The following NASP variants were observed in gnomAD, a reference collection of about 807,000 sequenced individuals.
NASP encodes nuclear autoantigenic sperm protein, also known as NASP histone chaperone.
In NASP, 24 loss-of-function variants were observed where a neutral mutation model predicts 89.5. That is an observed-to-expected ratio of 0.27 (90% CI 0.19 to 0.38). NASP has a LOEUF of 0.38. Ranked by LOEUF, NASP falls within the 10% of genes least tolerant of loss-of-function variation. The pLI, the probability that NASP is intolerant of heterozygous loss-of-function variation, is 1.00. For missense variants in NASP, 848 were observed against 921.4 expected (o/e 0.92, Z 1.03); for synonymous variants, 306 against 324.7 (o/e 0.94, Z 0.62).
Position 45,618,314 on chromosome 1 carries a change from A to G in NASP, c.*173A>G. The stretch of plus-strand genomic sequence containing the variant: ...TCTGCCTTGGAGCACTGCTGGTTTT[A>G]TATATTAGCCAAAGGTTTTGTTCTG... On this transcript the variant is annotated 3_prime_UTR_variant, in exon 15 of 15. Transcript: ENST00000350030. 1 of 557,770 alleles carries G rather than the reference A, an allele frequency of 1.8e-6. No individual in the cohort carries two copies. The highest frequency in any genetic ancestry group is 3.3e-6 in the Non-Finnish European group (1 of 306,956). The allele number at this position is 557,770 out of a possible 1,614,324, so 34.6% of individuals were successfully genotyped here.
intron 1 of NASP, among the ~76,000 whole-genome samples, chr1:45,587,206 T>C (rs1644564934): frequency 6.6e-6 from 1 of 152,080 alleles, no homozygotes; most frequent in Non-Finnish European, 1.5e-5. Context: ...TTGTTTTTTT[T>C]TTGAGAGGGA....
At chr1:45,614,974 T>C (rs748303883) in intron 9 of NASP, 39 bp from the exon 10 acceptor site, 1 of 1,558,666 alleles carries the variant, frequency 6.4e-7, no homozygotes, top group South Asian at 1.2e-5. Context: ...TTATGTTGAA[T>C]GCTGTCCATT....
At chr1:45,609,776 A>AGGT (rs1176703416) in intron 6 of NASP, 3 of 152,330 alleles carry the variant, frequency 2.0e-5, no homozygotes, top group Middle Eastern at 3.4e-3. Context: ...TGAGGTTTAA[A>AGGT]GGTTACATGA....
chr1:45,608,640 A>C, intron 6 of NASP, among the ~76,000 whole-genome samples: 1 of 152,084 alleles, frequency 6.6e-6, no homozygotes, highest in East Asian at 1.9e-4. Context: ...TAGCCAATAA[A>C]GTGGGATGGA....
chr1:45,592,178 T>C (rs1224927664), intron 2 of NASP, among the ~76,000 whole-genome samples: 1 of 152,126 alleles, frequency 6.6e-6, no homozygotes, highest in Admixed American at 6.5e-5. Flanking sequence ...AGAGATGGGG[T>C]TTCACCATGT....
Position 45,584,209 on chromosome 1 carries a change from A to T in NASP, c.59+4A>T, listed in dbSNP as rs1251908456. On this transcript the variant is annotated splice_donor_region_variant and intron_variant, in intron 1 of 14. Transcript: ENST00000350030. Reference sequence around the variant, plus strand: ...CGGAGCTGGTTTCTGCCGACAAGTAAGCGGGACTGTGGAAAGCTTAAGGCA... The same window carrying T: ...CGGAGCTGGTTTCTGCCGACAAGTATGCGGGACTGTGGAAAGCTTAAGGCA... The T allele has an allele frequency of 6.3e-7, 1 of 1,583,746 alleles. No homozygotes were observed. Among genetic ancestry groups the T allele is most frequent in the African/African-American group, 1.3e-5 (1 of 74,484 alleles).
rs202187706 is a variant in NASP, at chr1:45,602,276, T to C, written c.129T>C (p.Ala43=). The C allele has an allele frequency of 6.2e-7, 1 of 1,613,666 alleles. No individual in the cohort carries two copies. Among genetic ancestry groups the C allele is most frequent in the East Asian group, 2.2e-5 (1 of 44,860 alleles). ...KVESLDVDSE[A]KKLLGLGQKH... Reference sequence around the variant, plus strand: ...GCAGTCTGGATGTGGATAGTGAAGCTAAGAAACTATTGGGTTTAGGACAGA... The same window carrying C: ...GCAGTCTGGATGTGGATAGTGAAGCCAAGAAACTATTGGGTTTAGGACAGA... The change falls in exon 3 of 15, where the codon GCT becomes GCC. Residue 43 remains alanine, a synonymous_variant. Coordinates refer to ENST00000350030, the MANE Select transcript of NASP (RefSeq NM_002482.4).
chr1:45,616,553 TA>T (rs980541821), intron 12 of NASP, 72 bp from the exon 13 acceptor site: 3 of 1,553,298 alleles, frequency 1.9e-6, no homozygotes, highest in African/African-American at 2.7e-5. Flanking sequence ...TCTGAAAAAC[TA>T]AAAAATTATA....
rs756795063 is a variant in NASP, at chr1:45,617,405, A to G, written c.2158-58A>G. 428 of 1,566,182 alleles carry G rather than the reference A, an allele frequency of 2.7e-4. 6 individuals are homozygous for G. The Middle Eastern group carries it at 6.5e-3, about 24-fold the overall frequency. ...CACAAGGGTTAAGGAAATGTTTTGCAGTTGTCTTTTTAAAAACATTAAGCA... is the reference window on the plus strand; with the variant it reads ...CACAAGGGTTAAGGAAATGTTTTGCGGTTGTCTTTTTAAAAACATTAAGCA... On this transcript the variant is annotated intron_variant, in intron 13 of 14. Coordinates refer to ENST00000350030, the MANE Select transcript of NASP (RefSeq NM_002482.4).
chr1:45,596,569 G>T (rs1329175952), intron 2 of NASP, among the ~76,000 whole-genome samples: 3 of 152,222 alleles, frequency 2.0e-5, no homozygotes, highest in African/African-American at 7.2e-5. Context: ...TACTGCTGCT[G>T]TGACGTTGGG....
intron 4 of NASP, 109 bp from the exon 5 acceptor site, chr1:45,606,373 G>A (rs993974560): frequency 1.9e-5 from 13 of 686,796 alleles, no homozygotes; most frequent in African/African-American, 1.6e-4. Context: ...TATTGCCTGC[G>A]CTTGGCTTAC....
Position 45,616,645 on chromosome 1 carries a change from C to G in NASP, c.2099C>G (p.Thr700Arg), listed in dbSNP as rs1433732869. The change falls in exon 13 of 15, where the codon ACA becomes AGA. Residue 700 changes from threonine to arginine, a missense_variant. Physicochemically the swap from Thr to Arg is moderately conservative, Grantham distance 71. Coordinates refer to ENST00000350030, the MANE Select transcript of NASP (RefSeq NM_002482.4). ...TGCCAGATTGCCAGTAGAAAGCCAA[C>G]AGACGGTGCTTCCTCATCAAATTGT... ...SVSMIASRKP[T>R]DGASSSNCVT... 1 of 1,614,064 alleles carries G rather than the reference C, an allele frequency of 6.2e-7. No individual in the cohort carries two copies. The highest frequency in any genetic ancestry group is 1.3e-5 in the African/African-American group (1 of 74,936).
intron 6 of NASP, chr1:45,611,867 T>C (rs1357624139): frequency 7.0e-6 from 1 of 143,778 alleles, no homozygotes; most frequent in African/African-American, 2.6e-5. Flanking sequence ...TTTTTTTTTT[T>C]TTTTTTTTTT....
chr1:45,613,888 G>A (rs1644058943), intron 7 of NASP, among the ~76,000 whole-genome samples: 1 of 112,982 alleles, frequency 8.9e-6, no homozygotes, highest in Non-Finnish European at 1.9e-5. Context: ...GGGTTCTTGT[G>A]TGTTAGTATG....
At chr1:45,614,434 T>C in intron 9 of NASP, 68 bp downstream of exon 9, 1 of 1,241,952 alleles carries the variant, frequency 8.1e-7, no homozygotes, top group Non-Finnish European at 1.2e-6. Flanking sequence ...TAATAGATTC[T>C]CTGGAACCGA....
intron 2 of NASP, among the ~76,000 whole-genome samples, chr1:45,598,759 T>C (rs550002251): frequency 2.0e-5 from 3 of 152,358 alleles, no homozygotes; most frequent in African/African-American, 7.2e-5. Context: ...TTTTAATCAG[T>C]CAGTGGCAAT....
chr1:45,616,054 C>T (rs552324326), intron 11 of NASP, among the ~76,000 whole-genome samples: 51 of 152,218 alleles, frequency 3.4e-4, no homozygotes, highest in Non-Finnish European at 6.5e-4. Flanking sequence ...CATTGAGAGG[C>T]ATTCACCACA....
chr1:45,602,467 T>A, intron 3 of NASP, 102 bp downstream of exon 3: 1 of 1,133,980 alleles, frequency 8.8e-7, no homozygotes, highest in Non-Finnish European at 1.2e-6. Flanking sequence ...GCAAGAGTTT[T>A]AAAACATTTG....
At chr1:45,586,300 T>TGTGTGTGTG (rs1241671372) in intron 1 of NASP, among the ~76,000 whole-genome samples, 1 of 116,676 alleles carries the variant, frequency 8.6e-6, no homozygotes, top group Non-Finnish European at 1.8e-5. Context: ...TGTGTGTGTG[T>TGTGTGTGTG]GTGTGTGTGG....
Sources: gnomAD v4.1 joint callset for allele counts (sites outside exome capture counted in the v4.1 genomes callset) on GRCh38, gnomAD v4.1.1 for gene constraint, MANE v1.5 for transcripts, NCBI Gene and HGNC (gene_info 2026-07-23, HGNC 2026-07-21) for gene names.